Variants in AGPS observed in about 807,000 individuals in gnomAD.
The protein encoded by AGPS is alkylglycerone phosphate synthase.
In AGPS, 26 loss-of-function variants were observed where a neutral mutation model predicts 90.7. The observed-to-expected ratio is 0.29, with a 90% CI of 0.21 to 0.40. The LOEUF (loss-of-function observed/expected upper bound fraction) is 0.40. Among genes scored for constraint, AGPS ranks in the 10% least tolerant of loss-of-function variants. The probability of loss-of-function intolerance (pLI) is 1.00; values close to 1 mark genes in which losing one functional copy is unlikely to be tolerated. For synonymous variants in AGPS, 294 were observed against 285.3 expected (o/e 1.03, Z -0.31); for missense variants, 540 against 816.1 (o/e 0.66, Z 4.12).
At chr2:177,511,160 G>T (rs138293101) in intron 16 of AGPS, among the ~76,000 whole-genome samples, 1 of 152,052 alleles carries the variant, frequency 6.6e-6, no homozygotes, top group African/African-American at 2.4e-5. Context: ...GTGCAGTGAC[G>T]CTTATCACGG....
chr2:177,469,704 GC>G (rs979994893), intron 10 of AGPS, among the ~76,000 whole-genome samples: 2 of 152,084 alleles, frequency 1.3e-5, no homozygotes, highest in African/African-American at 4.8e-5. Flanking sequence ...GTAACTTTTT[GC>G]CATCAGAAGT....
chr2:177,461,633 A>G (rs958731359), intron 8 of AGPS, among the ~76,000 whole-genome samples: 9 of 152,234 alleles, frequency 5.9e-5, no homozygotes, highest in Non-Finnish European at 1.2e-4. Flanking sequence ...GAGTATGATT[A>G]TCTGGTCAAC....
intron 11 of AGPS, among the ~76,000 whole-genome samples, chr2:177,484,241 T>C (rs992737782): frequency 6.6e-6 from 1 of 152,106 alleles, no homozygotes; most frequent in Admixed American, 6.5e-5. Context: ...TTTTACTGAT[T>C]TGTGTAAGGA....
chr2:177,512,310 T>C (rs1027838666), intron 16 of AGPS, among the ~76,000 whole-genome samples: 1 of 152,102 alleles, frequency 6.6e-6, no homozygotes, highest in African/African-American at 2.4e-5. Context: ...ATAGATAACA[T>C]TGATAAGTCA....
In AGPS at chr2:177,479,324, G is replaced by T. The variant is rs1206347864; in HGVS notation, c.1106-2735G>T. ...TACAGGGGAGCACTACCTCCCAGCT[G>T]CACTCACCTGGAACTTAGCCTTGGG... On this transcript the variant is annotated intron_variant, in intron 10 of 19. Coordinates refer to ENST00000264167, the MANE Select transcript of AGPS (RefSeq NM_003659.4). Among the ~76,000 whole-genome samples, 3 of 152,150 alleles carry T rather than the reference G, an allele frequency of 2.0e-5. No individual in the cohort carries two copies. The East Asian group carries it at 5.8e-4, about 29-fold the overall frequency.
At chr2:177,494,731 C>G (rs1173207116) in intron 12 of AGPS, among the ~76,000 whole-genome samples, 1 of 152,184 alleles carries the variant, frequency 6.6e-6, no homozygotes, top group Non-Finnish European at 1.5e-5. Context: ...TCTACCTTCT[C>G]TAGTCTTTAC....
rs183825281 is a variant in AGPS at position 177,449,869 on chromosome 2, G to A, written c.870+4243G>A. ...TTTTTTTTTTTTGAGATGGAGTGTC[G>A]CTCTGTTGTCCAGGCTGGAGTGCAG... On this transcript the variant is annotated intron_variant, in intron 8 of 19. Transcript: ENST00000264167. 1.7e-3 allele frequency among the ~76,000 whole-genome samples: 262 copies of A among 150,162 alleles called. 1 individual carries two copies. The highest frequency in any genetic ancestry group is 5.4e-3 in the Admixed American group (82 of 15,072).
intron 17 of AGPS, among the ~76,000 whole-genome samples, chr2:177,518,313 G>A (rs1233547313): frequency 6.6e-6 from 1 of 152,086 alleles, no homozygotes; most frequent in Non-Finnish European, 1.5e-5. Flanking sequence ...GCAGGCGCCT[G>A]TAATCCCAGC....
intron 9 of AGPS, among the ~76,000 whole-genome samples, chr2:177,463,384 T>G (rs1431617930): frequency 6.6e-6 from 1 of 152,218 alleles, no homozygotes; most frequent in Non-Finnish European, 1.5e-5. Context: ...TAGTAGGTGC[T>G]TCATAAATGT....
chr2:177,452,916 T>TA (rs1250806645), intron 8 of AGPS, among the ~76,000 whole-genome samples: 1 of 152,098 alleles, frequency 6.6e-6, no homozygotes, highest in Non-Finnish European at 1.5e-5. Flanking sequence ...CAGTATCATT[T>TA]AAAAAATTTA....
chr2:177,396,450 T>G (rs746118599), intron 1 of AGPS, among the ~76,000 whole-genome samples: 3 of 152,028 alleles, frequency 2.0e-5, no homozygotes, highest in Non-Finnish European at 4.4e-5. Context: ...GTGATAAATA[T>G]AAAGAAAAAT....
Position 177,499,637 on chromosome 2 carries a change from A to G in AGPS, c.1382A>G (p.Asn461Ser), listed in dbSNP as rs1688502144. The G allele has an allele frequency of 1.9e-6, 3 of 1,610,822 alleles. No individual in the cohort carries two copies. Among genetic ancestry groups the G allele is most frequent in the Non-Finnish European group, 2.5e-6 (3 of 1,178,122 alleles). ...YITKFKGFDP[N>S]QLSVATLLFE... ...TTGTAGTTTAAAGGATTTGACCCAA[A>G]TCAGCTAAGTGTAGCCACATTACTG... Residue 461 changes from asparagine to serine, a missense_variant, in exon 14 of 20, where the codon AAT becomes AGT. Physicochemically the swap from Asn to Ser is conservative, Grantham distance 46 (BLOSUM62 1). This residue lies in a region of AGPS where 405 missense variants were observed against 692.1 expected (regional missense o/e 0.59). Transcript: ENST00000264167.
chr2:177,393,567 A>G, intron 1 of AGPS: 6 of 985,308 alleles, frequency 6.1e-6, no homozygotes, highest in Non-Finnish European at 7.2e-6. Flanking sequence ...ATCAAGATGT[A>G]TTGACTTTGA....
At chr2:177,420,208 T>C (rs1685905386) in intron 1 of AGPS, 61 bp from the exon 2 acceptor site, 1 of 1,034,012 alleles carries the variant, frequency 9.7e-7, no homozygotes, top group Non-Finnish European at 1.5e-6. Context: ...ATCAATGATA[T>C]ACTGTACAGT....
chr2:177,497,809 ATC>A (rs1403056391), intron 13 of AGPS, 44 bp downstream of exon 13: 9 of 1,097,798 alleles, frequency 8.2e-6, no homozygotes, highest in Non-Finnish European at 1.2e-5. Flanking sequence ...TGCTTAAGAT[ATC>A]TGTTTTCTGC....
intron 2 of AGPS, among the ~76,000 whole-genome samples, chr2:177,427,786 G>C (rs111788951): frequency 4.6e-5 from 7 of 152,120 alleles, no homozygotes; most frequent in African/African-American, 1.7e-4. Flanking sequence ...TTGTGGCGAT[G>C]AGAAAAATAT....
At position 177,534,980 on chromosome 2, in the gene AGPS, T is replaced by C. The variant is rs77005570; in HGVS notation, c.1856-3094T>C. On this transcript the variant is annotated intron_variant, in intron 19 of 19. Coordinates refer to ENST00000264167, the MANE Select transcript of AGPS (RefSeq NM_003659.4). ...TCTAAATACTTAAGTACTTAAGGAA[T>C]CATATATTTAGAATAATAGAGAATT... Among the ~76,000 whole-genome samples, 679 of 152,224 alleles carry C rather than the reference T, an allele frequency of 4.5e-3. 6 individuals carry two copies. Among genetic ancestry groups the C allele is most frequent in the African/African-American group, 0.016 (649 of 41,552 alleles).
intron 8 of AGPS, among the ~76,000 whole-genome samples, chr2:177,461,219 G>A (rs1687283993): frequency 6.6e-6 from 1 of 152,236 alleles, no homozygotes; most frequent in South Asian, 2.1e-4. Flanking sequence ...TGGTGTTGCA[G>A]TAAAGGGCAT....
chr2:177,492,234 G>A (rs1158281863), intron 11 of AGPS, among the ~76,000 whole-genome samples: 1 of 152,180 alleles, frequency 6.6e-6, no homozygotes, highest in African/African-American at 2.4e-5. Context: ...TGTTATGAAT[G>A]ACAGAGTGGC....
Sources: allele counts gnomAD v4.1 joint callset (sites outside exome capture counted in the v4.1 genomes callset), GRCh38; gene constraint gnomAD v4.1.1; regional missense constraint gnomAD v4.1.1; transcripts MANE v1.5; gene names NCBI Gene and HGNC (gene_info 2026-07-23, HGNC 2026-07-21).